SPOCK3: variants seen among roughly 807,000 people sequenced by gnomAD.
The protein encoded by SPOCK3 is testican-3.
Under a neutral mutation model 56.6 loss-of-function variants are expected in SPOCK3, and 30 were observed. The ratio of observed to expected loss-of-function variants is 0.53; its 90% CI spans 0.40 to 0.72. The LOEUF (loss-of-function observed/expected upper bound fraction) is 0.72. SPOCK3 is among the 30% of genes least tolerant of loss of function. SPOCK3 has a pLI of 0.00. For missense variants in SPOCK3, 527 were observed against 530.0 expected (o/e 0.99, Z 0.06); for synonymous variants, 196 against 183.3 (o/e 1.07, Z -0.56).
intron 2 of SPOCK3, among the ~76,000 whole-genome samples, chr4:167,103,736 G>T (rs562622992): frequency 5.9e-5 from 9 of 152,280 alleles, no homozygotes; most frequent in Admixed American, 2.0e-4. Context: ...CTAGGACCTT[G>T]AGCAAACATA....
chr4:166,965,561 T>C (rs1744637712), intron 4 of SPOCK3, among the ~76,000 whole-genome samples: 1 of 152,050 alleles, frequency 6.6e-6, no homozygotes, highest in African/African-American at 2.4e-5. Flanking sequence ...ATTGATATCA[T>C]TGTTCTCCTT....
chr4:166,969,359 C>G (rs75624237), intron 4 of SPOCK3, among the ~76,000 whole-genome samples: 1 of 152,040 alleles, frequency 6.6e-6, no homozygotes, highest in African/African-American at 2.4e-5. Context: ...TGTGCCCCCA[C>G]CCAAGTCTCA....
At chr4:167,125,847 C>A (rs1762231791) in intron 2 of SPOCK3, among the ~76,000 whole-genome samples, 1 of 152,152 alleles carries the variant, frequency 6.6e-6, no homozygotes, top group African/African-American at 2.4e-5. Context: ...TGCTCTATCA[C>A]CTTCAACATC....
intron 3 of SPOCK3, among the ~76,000 whole-genome samples, chr4:167,022,532 C>T (rs192055807): frequency 6.6e-6 from 1 of 152,122 alleles, no homozygotes; most frequent in Admixed American, 6.6e-5. Context: ...CTGAGCCATA[C>T]TGTTGTACCA....
At chr4:167,216,215 C>T (rs1393164867) in intron 2 of SPOCK3, among the ~76,000 whole-genome samples, 2 of 151,822 alleles carry the variant, frequency 1.3e-5, no homozygotes, top group Non-Finnish European at 2.9e-5. Flanking sequence ...TGAACTGATC[C>T]ATTATGTGGA....
chr4:166,967,578 C>A (rs915522328), intron 4 of SPOCK3, among the ~76,000 whole-genome samples: 1 of 152,284 alleles, frequency 6.6e-6, no homozygotes, highest in Non-Finnish European at 1.5e-5. Context: ...TCCCCTTCAG[C>A]CTTCCACCAT....
At chr4:167,087,957 A>C (rs1758352433) in intron 2 of SPOCK3, among the ~76,000 whole-genome samples, 1 of 152,142 alleles carries the variant, frequency 6.6e-6, no homozygotes, top group African/African-American at 2.4e-5. Context: ...AGATGGTAGT[A>C]GATAAGCAAA....
chr4:166,855,682 A>C (rs1730569867), intron 6 of SPOCK3, among the ~76,000 whole-genome samples: 1 of 152,346 alleles, frequency 6.6e-6, no homozygotes, highest in Admixed American at 6.5e-5. Flanking sequence ...CTTGTAGTTT[A>C]TGCATCATGT....
intron 2 of SPOCK3, among the ~76,000 whole-genome samples, chr4:167,167,110 C>T (rs146463323): frequency 1.3e-5 from 2 of 152,150 alleles, no homozygotes; most frequent in African/African-American, 4.8e-5. Context: ...TTTCCCGATG[C>T]AAATTTCACC....
chr4:167,065,464 C>T (rs1378293890), intron 2 of SPOCK3, among the ~76,000 whole-genome samples: 1 of 151,834 alleles, frequency 6.6e-6, no homozygotes, highest in Non-Finnish European at 1.5e-5. Context: ...AAGCTTGGTT[C>T]GTTTGGGACC....
chr4:166,764,706 T>G (rs9685989), intron 7 of SPOCK3, among the ~76,000 whole-genome samples: 49,996 of 151,732 alleles, frequency 0.33, 8,389 homozygotes, highest in Admixed American at 0.42. Flanking sequence ...TATATACCCC[T>G]TAATGGGATG....
chr4:167,119,817 G>A (rs1170580262), intron 2 of SPOCK3: 13 of 1,534,238 alleles, frequency 8.5e-6, no homozygotes, highest in Non-Finnish European at 1.1e-5. Context: ...GAAGACATGT[G>A]GATGTGATCT....
chr4:167,031,344 G>T (rs1258656159), intron 3 of SPOCK3, among the ~76,000 whole-genome samples: 2 of 151,846 alleles, frequency 1.3e-5, no homozygotes, highest in Admixed American at 1.3e-4. Flanking sequence ...AGGGGGAAAA[G>T]AACAAATCTA....
At chr4:167,006,248 CA>C (rs1358502107) in intron 3 of SPOCK3, among the ~76,000 whole-genome samples, 1 of 152,070 alleles carries the variant, frequency 6.6e-6, no homozygotes, top group African/African-American at 2.4e-5. Context: ...AACCAGGTTT[CA>C]AACCCAAGCC....
chr4:166,766,330 T>C (rs2126538056), intron 7 of SPOCK3, among the ~76,000 whole-genome samples: 1 of 152,316 alleles, frequency 6.6e-6, no homozygotes, highest in South Asian at 2.1e-4. Flanking sequence ...TGGTTTGTCA[T>C]AAATAGATCT....
intron 6 of SPOCK3, 44 bp downstream of exon 6, chr4:166,889,086 G>T: frequency 8.4e-7 from 1 of 1,195,294 alleles, no homozygotes; most frequent in Non-Finnish European, 1.2e-6. Context: ...CATTTTAGTA[G>T]AGAGTGATGA....
At chr4:167,059,830 T>G (rs1157397582) in intron 3 of SPOCK3, among the ~76,000 whole-genome samples, 1 of 152,078 alleles carries the variant, frequency 6.6e-6, no homozygotes, top group East Asian at 1.9e-4. Context: ...CCATAAAAAA[T>G]GATGAGTTCA....
At chr4:166,995,501 GA>G (rs1038148507) in intron 4 of SPOCK3, among the ~76,000 whole-genome samples, 2 of 151,738 alleles carry the variant, frequency 1.3e-5, no homozygotes, top group African/African-American at 4.8e-5. Context: ...GATAATTATG[GA>G]AAAAATGTAT....
intron 4 of SPOCK3, among the ~76,000 whole-genome samples, chr4:166,989,793 A>C (rs1319767158): frequency 6.6e-6 from 1 of 152,180 alleles, no homozygotes; most frequent in Admixed American, 6.6e-5. Flanking sequence ...ACACATCTAA[A>C]AAGTTCAGTG....
Sources: gnomAD v4.1 joint callset for allele counts (sites outside exome capture counted in the v4.1 genomes callset) on GRCh38, gnomAD v4.1.1 for gene constraint, MANE v1.5 for transcripts, NCBI Gene and HGNC (gene_info 2026-07-23, HGNC 2026-07-21) for gene names.